The following OR2L13 variants were observed in gnomAD, a reference collection of about 807,000 sequenced individuals.
The protein encoded by OR2L13 is olfactory receptor family 2 subfamily L member 13, also known as olfactory receptor 2L13.
In OR2L13, 14 loss-of-function variants were observed where a neutral mutation model predicts 15.3. The ratio of observed to expected loss-of-function variants is 0.91; its 90% CI spans 0.60 to 1.43. OR2L13 has a LOEUF of 1.43. Among genes scored for constraint, OR2L13 ranks in the 40% most tolerant of loss-of-function variants. The pLI, the probability that OR2L13 is intolerant of heterozygous loss-of-function variation, is 0.00. For missense variants in OR2L13, 367 were observed against 387.9 expected (o/e 0.95, Z 0.45); for synonymous variants, 152 against 142.9 (o/e 1.06, Z -0.45).
chr1:248,012,910 C>A, the OR2L13 span, among the ~76,000 whole-genome samples: 1 of 151,622 alleles, frequency 6.6e-6, no homozygotes, highest in Non-Finnish European at 1.5e-5. Context: ...TTACTGTAAA[C>A]CATGAAAAAT....
chr1:248,100,055 T>C lies in OR2L13; in HGVS notation c.680T>C (p.Met227Thr), dbSNP rs200181674. Residue 227 changes from methionine to threonine, a missense_variant, in exon 3 of 3, where the codon ATG becomes ACG. Transcript: ENST00000641714. ...CGAGTCCTATTTGCTGTCTATCATATGCACTCAAAGGAGGGGAGAAAAAAG... is the reference window on the plus strand; with the variant it reads ...CGAGTCCTATTTGCTGTCTATCATACGCACTCAAAGGAGGGGAGAAAAAAG... 134 of 1,614,150 alleles carry C rather than the reference T, an allele frequency of 8.3e-5. No homozygotes were observed. The East Asian group carries it at 3.0e-3, about 36-fold the overall frequency.
the OR2L13 span, chr1:247,948,820 CTT>C: frequency 2.0e-6 from 3 of 1,527,848 alleles, no homozygotes; most frequent in African/African-American, 1.4e-5. Flanking sequence ...GTAAATTACT[CTT>C]GTGTCTCCCT....
chr1:248,005,522 C>T, the OR2L13 span, among the ~76,000 whole-genome samples: 1 of 152,066 alleles, frequency 6.6e-6, no homozygotes, highest in African/African-American at 2.4e-5. Flanking sequence ...ATTGCTTTGA[C>T]TATTTGGGGT....
chr1:248,044,532 G>T, the OR2L13 span, among the ~76,000 whole-genome samples: 2 of 85,034 alleles, frequency 2.4e-5, no homozygotes, highest in South Asian at 5.1e-4. Flanking sequence ...GGCCGGGCGC[G>T]GTGGCTCACG....
the OR2L13 span, among the ~76,000 whole-genome samples, chr1:248,016,574 T>C: frequency 6.6e-6 from 1 of 152,128 alleles, no homozygotes; most frequent in East Asian, 1.9e-4. Context: ...ATAATGATTA[T>C]GTATTTCAGT....
chr1:248,060,681 C>T, the OR2L13 span: 41 of 1,609,106 alleles, frequency 2.5e-5, no homozygotes, highest in African/African-American at 3.2e-4. Context: ...ACGAATGCCC[C>T]ATGGAAAATT....
chr1:248,042,579 T>A, the OR2L13 span, among the ~76,000 whole-genome samples: 1 of 150,750 alleles, frequency 6.6e-6, no homozygotes, highest in African/African-American at 2.4e-5. Context: ...AAAAAGACAA[T>A]AAAATAAAAG....
chr1:248,099,888 G>A (rs147832809), exon 3 of OR2L13: 1 of 1,614,034 alleles, frequency 6.2e-7, no homozygotes, highest in Non-Finnish European at 8.5e-7. Flanking sequence ...GCAGGTCTAG[G>A]GCTATTGACC....
At chr1:248,014,040 C>G in the OR2L13 span, among the ~76,000 whole-genome samples, 1 of 152,068 alleles carries the variant, frequency 6.6e-6, no homozygotes, top group South Asian at 2.1e-4. Context: ...TTTAAAAACC[C>G]ATATTCACAA....
the OR2L13 span, among the ~76,000 whole-genome samples, chr1:248,085,732 A>T: frequency 2.6e-5 from 4 of 152,194 alleles, no homozygotes; most frequent in African/African-American, 9.6e-5. Flanking sequence ...GTTTTAAACC[A>T]GTGGTCCCCA....
chr1:247,956,302 T>C, the OR2L13 span, among the ~76,000 whole-genome samples: 1 of 152,044 alleles, frequency 6.6e-6, no homozygotes, highest in Non-Finnish European at 1.5e-5. Flanking sequence ...CATTGGTCTA[T>C]ATCTCTGTTT....
At chr1:248,083,411 T>G in the OR2L13 span, 1 of 476,826 alleles carries the variant, frequency 2.1e-6, no homozygotes, top group Non-Finnish European at 3.7e-6. Flanking sequence ...TGGGGTTGTT[T>G]TAGGATACAA....
chr1:247,998,361 C>A, the OR2L13 span, among the ~76,000 whole-genome samples: 1 of 152,070 alleles, frequency 6.6e-6, no homozygotes. Context: ...TTTATAGGAT[C>A]CAGTGAAATT....
the OR2L13 span, among the ~76,000 whole-genome samples, chr1:248,029,473 T>A: frequency 6.6e-6 from 1 of 152,090 alleles, no homozygotes; most frequent in Admixed American, 6.6e-5. Flanking sequence ...TTCTAAATAT[T>A]AATAAACCAA....
the OR2L13 span, among the ~76,000 whole-genome samples, chr1:248,067,120 A>C: frequency 1.3e-5 from 2 of 152,358 alleles, no homozygotes; most frequent in East Asian, 3.9e-4. Context: ...TAATTTCCTG[A>C]TTAAACATCT....
chr1:248,018,339 A>G, the OR2L13 span, among the ~76,000 whole-genome samples: 1 of 152,188 alleles, frequency 6.6e-6, no homozygotes, highest in East Asian at 1.9e-4. Flanking sequence ...TATAAAATAC[A>G]AATGATAGAA....
the OR2L13 span, among the ~76,000 whole-genome samples, chr1:248,001,332 C>T: frequency 4.6e-5 from 7 of 151,954 alleles, no homozygotes; most frequent in East Asian, 2.0e-4. Context: ...TCATGTGAGA[C>T]GTAGTTCAGG....
chr1:248,052,334 T>C, the OR2L13 span, among the ~76,000 whole-genome samples: 2 of 152,192 alleles, frequency 1.3e-5, no homozygotes, highest in African/African-American at 2.4e-5. Context: ...ACCATGTATA[T>C]GAGAGGCTAT....
the OR2L13 span, chr1:248,003,684 C>T: frequency 1.9e-6 from 3 of 1,612,654 alleles, no homozygotes; most frequent in South Asian, 2.2e-5. Flanking sequence ...GCAATGGTGA[C>T]TCTGGCCTGC....
Sources: allele counts gnomAD v4.1 joint callset (sites outside exome capture counted in the v4.1 genomes callset), GRCh38; gene constraint gnomAD v4.1.1; transcripts MANE v1.5; gene names NCBI Gene and HGNC (gene_info 2026-07-23, HGNC 2026-07-21).